The following PILRA variants were observed in gnomAD, a reference collection of about 807,000 sequenced individuals.
PILRA encodes the protein paired immunoglobin like type 2 receptor alpha.
A neutral mutation model predicts 33.1 loss-of-function variants in PILRA; 37 were observed. The ratio of observed to expected loss-of-function variants is 1.12; its 90% CI spans 0.86 to 1.47. PILRA has a LOEUF of 1.47. Among genes scored for constraint, PILRA ranks in the 40% most tolerant of loss-of-function variants. PILRA has a pLI of 0.00. For missense variants in PILRA, 312 were observed against 376.2 expected, an observed-to-expected ratio of 0.83 and a Z score of 1.41; for synonymous variants, 146 against 149.9, an observed-to-expected ratio of 0.97 and a Z score of 0.19.
chr7:100,375,065 C>T (rs956891708), intron 2 of PILRA, among the ~76,000 whole-genome samples: 4 of 152,146 alleles, frequency 2.6e-5, no homozygotes, highest in Admixed American at 6.5e-5. Flanking sequence ...TGTATCATAT[C>T]CCTCTCTTCC....
At chr7:100,371,367 T>C (rs78015898), upstream of PILRA, among the ~76,000 whole-genome samples, 2,205 of 152,304 alleles carry the variant, frequency 0.014, 51 homozygotes, top group African/African-American at 0.051. Context: ...TTGGCTATTC[T>C]AGGTCCTTTG....
At chr7:100,392,025 A>T (rs2130225292) in intron 3 of PILRA, among the ~76,000 whole-genome samples, 1 of 152,146 alleles carries the variant, frequency 6.6e-6, no homozygotes, top group African/African-American at 2.4e-5. Flanking sequence ...GCAATGGGCT[A>T]GGCATGATGG....
intron 2 of PILRA, among the ~76,000 whole-genome samples, chr7:100,383,495 G>A (rs950675462): frequency 1.3e-5 from 2 of 152,300 alleles, no homozygotes; most frequent in South Asian, 2.1e-4. Flanking sequence ...CTGAAGACAG[G>A]GAAGAGGCAG....
chr7:100,372,189 A>G (rs1790831521), upstream of PILRA, among the ~76,000 whole-genome samples: 1 of 151,880 alleles, frequency 6.6e-6, no homozygotes, highest in Admixed American at 6.6e-5. Context: ...GAATGGAGAT[A>G]ATGTGTCACC....
intron 2 of PILRA, among the ~76,000 whole-genome samples, chr7:100,377,975 C>T (rs1423388023): frequency 6.6e-6 from 1 of 152,154 alleles, no homozygotes; most frequent in East Asian, 1.9e-4. Context: ...TACATCAGCA[C>T]ACAGGTTTAG....
chr7:100,397,784 TAAG>T (rs1791530433), intron 3 of PILRA, 92 bp from the exon 4 acceptor site: 1 of 1,336,870 alleles, frequency 7.5e-7, no homozygotes, highest in African/African-American at 1.4e-5. Flanking sequence ...CCGGTCCCTC[TAAG>T]GAGGGCCTCA....
At chr7:100,381,579 G>C (rs1791094721) in intron 2 of PILRA, among the ~76,000 whole-genome samples, 1 of 152,230 alleles carries the variant, frequency 6.6e-6, no homozygotes, top group Non-Finnish European at 1.5e-5. Flanking sequence ...CGTGCTGTCA[G>C]CCCTCGCTCG....
At chr7:100,373,741 A>G in intron 1 of PILRA, 21 bp downstream of exon 1, 2 of 1,612,490 alleles carry the variant, frequency 1.2e-6, no homozygotes, top group Non-Finnish European at 1.7e-6. Flanking sequence ...AGGACCACCC[A>G]GATGTGGGCT....
intron 2 of PILRA, chr7:100,374,817 T>G: frequency 3.2e-6 from 1 of 312,984 alleles, no homozygotes; most frequent in South Asian, 2.8e-5. Flanking sequence ...CTCTTTGTCA[T>G]GTGTCTCTGT....
chr7:100,387,723 CACAGATATT>C (rs1791284610), intron 2 of PILRA, among the ~76,000 whole-genome samples: 1 of 152,104 alleles, frequency 6.6e-6, no homozygotes, highest in South Asian at 2.1e-4. Flanking sequence ...ACACCCATTT[CACAGATATT>C]TTAACATTTA....
intron 2 of PILRA, among the ~76,000 whole-genome samples, chr7:100,386,605 C>T (rs1791260495): frequency 6.6e-6 from 1 of 152,054 alleles, no homozygotes; most frequent in Admixed American, 6.5e-5. Context: ...GCAGCCTCAA[C>T]CTCCTGGGCT....
intron 1 of PILRA, 114 bp downstream of exon 1, chr7:100,373,834 A>AGGGCGGGTCCCACAG (rs1322650324): frequency 9.1e-6 from 13 of 1,436,434 alleles, no homozygotes; most frequent in Middle Eastern, 1.8e-4. Flanking sequence ...CCAGGAAACA[A>AGGGCGGGTCCCACAG]GGGCGGGTCC....
chr7:100,397,946 G>A, intron 4 of PILRA, 34 bp downstream of exon 4: 1 of 1,610,038 alleles, frequency 6.2e-7, no homozygotes. Context: ...TGGGTTGGGG[G>A]GTGCATGTGC....
chr7:100,399,752 T>G (rs1430420356), intron 6 of PILRA, 33 bp from the exon 7 acceptor site: 2 of 1,609,590 alleles, frequency 1.2e-6, no homozygotes, highest in East Asian at 4.5e-5. Context: ...CCGTCTCCAC[T>G]GTCTAACCCT....
intron 3 of PILRA, among the ~76,000 whole-genome samples, chr7:100,391,900 T>C (rs1353520754): frequency 2.0e-5 from 3 of 152,146 alleles, no homozygotes; most frequent in East Asian, 1.9e-4. Context: ...GAGTTGTCCA[T>C]TGGAAACTCA....
chr7:100,390,103 A>T lies in PILRA; in HGVS notation c.670A>T (p.Lys224Ter). 1 of 1,613,622 alleles carries T rather than the reference A, an allele frequency of 6.2e-7. No individual in the cohort carries two copies. The highest frequency in any genetic ancestry group is 1.3e-5 in the African/African-American group (1 of 74,974). ...LICLLRWRRR[K>*]GQQRTKATTP... ...CTGCCTCCTCAGGTGGAGGAGAAGGAAAGGTAAGTGCCCAGGACCCGCCCT... is the reference window on the plus strand; with the variant it reads ...CTGCCTCCTCAGGTGGAGGAGAAGGTAAGGTAAGTGCCCAGGACCCGCCCT... The change falls in exon 3 of 7, where the codon AAA becomes TAA. Residue 224 changes from lysine to a stop codon, truncating the protein, a stop_gained. Coordinates refer to ENST00000198536, the MANE Select transcript of PILRA (RefSeq NM_013439.3). LOFTEE classifies it high-confidence loss of function.
At chr7:100,383,667 C>T (rs951373932) in intron 2 of PILRA, among the ~76,000 whole-genome samples, 6 of 150,650 alleles carry the variant, frequency 4.0e-5, no homozygotes, top group Non-Finnish European at 7.4e-5. Flanking sequence ...GATGGAGTCT[C>T]GCTCTGTCGC....
At chr7:100,397,576 C>A (rs981156691) in intron 3 of PILRA, among the ~76,000 whole-genome samples, 1 of 151,628 alleles carries the variant, frequency 6.6e-6, no homozygotes, top group Non-Finnish European at 1.5e-5. Context: ...AGTGACTGGG[C>A]GAGGGCTCAG....
rs776842842 is a variant in PILRA, at chr7:100,397,941, T to C, written c.707+29T>C. 5 of 1,612,448 alleles carry C rather than the reference T, an allele frequency of 3.1e-6. No homozygotes were observed. The Admixed American group carries it at 8.3e-5, about 27-fold the overall frequency. On this transcript the variant is annotated intron_variant, in intron 4 of 6. Coordinates refer to ENST00000198536, the MANE Select transcript of PILRA (RefSeq NM_013439.3). The stretch of plus-strand genomic sequence containing the variant: ...AGTGCTGGGCCTCCCCAGGGTGGGT[T>C]GGGGGGTGCATGTGCAGGCAGTGGG...
Sources: allele counts gnomAD v4.1 joint callset (sites outside exome capture counted in the v4.1 genomes callset), GRCh38; gene constraint gnomAD v4.1.1; transcripts MANE v1.5; gene names NCBI Gene and HGNC (gene_info 2026-07-23, HGNC 2026-07-21).